Variants in SPIDR observed in about 807,000 individuals in gnomAD.
SPIDR encodes DNA repair-scaffolding protein.
In SPIDR, 93 loss-of-function variants were observed where a neutral mutation model predicts 104.6. The ratio of observed to expected loss-of-function variants is 0.89; its 90% CI spans 0.75 to 1.06. The LOEUF (loss-of-function observed/expected upper bound fraction) is 1.06. Among genes scored for constraint, SPIDR ranks in the 50% least tolerant of loss-of-function variants. The probability of loss-of-function intolerance (pLI) is 0.00; values close to 1 mark genes in which losing one functional copy is unlikely to be tolerated. For missense variants in SPIDR, 1,154 were observed against 1,111.2 expected (o/e 1.04, Z -0.55); for synonymous variants, 431 against 416.9 (o/e 1.03, Z -0.41).
intron 1 of SPIDR, among the ~76,000 whole-genome samples, chr8:47,269,675 G>A (rs1476454895): frequency 6.6e-6 from 1 of 152,014 alleles, no homozygotes; most frequent in African/African-American, 2.4e-5. Flanking sequence ...CCTTGCCATG[G>A]CTAGAACCTC....
intron 16 of SPIDR, among the ~76,000 whole-genome samples, chr8:47,726,098 C>G (rs2084195385): frequency 6.6e-6 from 1 of 152,252 alleles, no homozygotes; most frequent in Non-Finnish European, 1.5e-5. Context: ...GTGAATTAGT[C>G]AACACTGCTT....
At chr8:47,374,654 T>G (rs782113728) in intron 5 of SPIDR, among the ~76,000 whole-genome samples, 25 of 152,194 alleles carry the variant, frequency 1.6e-4, no homozygotes, top group Non-Finnish European at 2.6e-4. Flanking sequence ...GTTTTCTTCA[T>G]TTTTAGCTAA....
chr8:47,454,393 C>T (rs903614529), intron 8 of SPIDR, among the ~76,000 whole-genome samples: 1 of 152,108 alleles, frequency 6.6e-6, no homozygotes, highest in Non-Finnish European at 1.5e-5. Context: ...AACCAAACAC[C>T]GCATGTTCTC....
chr8:47,720,249 G>GT (rs761994213), intron 16 of SPIDR, among the ~76,000 whole-genome samples: 20 of 152,196 alleles, frequency 1.3e-4, no homozygotes, highest in Non-Finnish European at 2.8e-4. Context: ...CAGTTTTCTG[G>GT]TTTGCTTCCA....
rs535142223 is a variant in SPIDR, at chr8:47,486,430, C to CA, written c.1097+45888_1097+45889insA. Among the ~76,000 whole-genome samples, 269 of 152,246 alleles carry CA rather than the reference C, an allele frequency of 1.8e-3. 4 individuals carry two copies. In the East Asian group the frequency reaches 0.033, roughly 19 times the overall value. On this transcript the variant is annotated intron_variant, in intron 8 of 19. Transcript: ENST00000297423. ...TGGAACCAACCTGGAAAACACTCTG[C>CA]GGATATTATCCAGGAGAACTTCCCC...
chr8:47,326,529 G>A (rs1261530984), intron 5 of SPIDR, among the ~76,000 whole-genome samples: 1 of 152,190 alleles, frequency 6.6e-6, no homozygotes, highest in Admixed American at 6.5e-5. Context: ...GATTCACAAA[G>A]TTTTGCAACT....
chr8:47,488,903 T>C (rs1211325504), intron 8 of SPIDR, among the ~76,000 whole-genome samples: 1 of 152,190 alleles, frequency 6.6e-6, no homozygotes, highest in African/African-American at 2.4e-5. Flanking sequence ...TCATACTGAA[T>C]GGGCAAAAAC....
intron 14 of SPIDR, among the ~76,000 whole-genome samples, chr8:47,705,717 A>G (rs1022869170): frequency 1.3e-5 from 2 of 152,128 alleles, no homozygotes; most frequent in Non-Finnish European, 1.5e-5. Flanking sequence ...CAACCTGGTC[A>G]ACAAAGCACG....
intron 11 of SPIDR, among the ~76,000 whole-genome samples, chr8:47,689,258 T>G (rs552760489): frequency 6.6e-6 from 1 of 152,330 alleles, no homozygotes; most frequent in Admixed American, 6.5e-5. Flanking sequence ...AAATGGCTTC[T>G]GGACCCATAG....
intron 7 of SPIDR, among the ~76,000 whole-genome samples, chr8:47,433,465 C>T (rs1298553696): frequency 1.7e-5 from 2 of 115,500 alleles, no homozygotes; most frequent in African/African-American, 6.8e-5. Context: ...TTTTTCCCTG[C>T]CCAGGCTCCA....
At chr8:47,275,538 G>A (rs1039598259) in intron 1 of SPIDR, among the ~76,000 whole-genome samples, 22 of 152,040 alleles carry the variant, frequency 1.4e-4, no homozygotes, top group South Asian at 1.0e-3. Flanking sequence ...GATTTCCATT[G>A]GCGTTGCATA....
chr8:47,570,234 A>G (rs1052298201), intron 8 of SPIDR, among the ~76,000 whole-genome samples: 6 of 152,208 alleles, frequency 3.9e-5, no homozygotes, highest in Non-Finnish European at 7.3e-5. Context: ...ATGTCGACCA[A>G]TGAAATGTAT....
intron 8 of SPIDR, among the ~76,000 whole-genome samples, chr8:47,440,962 A>T (rs540638555): frequency 6.6e-6 from 1 of 152,236 alleles, no homozygotes. Flanking sequence ...TTTGAATTGC[A>T]GGAGCAAAAA....
chr8:47,440,718 T>C (rs1431837650), intron 8 of SPIDR, among the ~76,000 whole-genome samples, 176 bp downstream of exon 8: 1 of 152,262 alleles, frequency 6.6e-6, no homozygotes, highest in Non-Finnish European at 1.5e-5. Flanking sequence ...TGATAGCTCA[T>C]TTCTAGTTCT....
chr8:47,657,233 T>G (rs1344863990), intron 10 of SPIDR, among the ~76,000 whole-genome samples: 1 of 152,144 alleles, frequency 6.6e-6, no homozygotes, highest in African/African-American at 2.4e-5. Context: ...AAAGCTGTTA[T>G]AAAAATAAAA....
At chr8:47,487,230 A>G (rs927097564) in intron 8 of SPIDR, among the ~76,000 whole-genome samples, 1 of 152,212 alleles carries the variant, frequency 6.6e-6, no homozygotes, top group South Asian at 2.1e-4. Context: ...ACAGACTTTA[A>G]ACCAACAAAG....
intron 5 of SPIDR, among the ~76,000 whole-genome samples, chr8:47,311,433 T>C (rs587612771): frequency 6.5e-4 from 99 of 152,262 alleles, no homozygotes; most frequent in Non-Finnish European, 7.5e-4. Flanking sequence ...AACATGAATT[T>C]ACATGTTGAA....
chr8:47,470,287 G>GTTTTTGT (rs1172661519), intron 8 of SPIDR, among the ~76,000 whole-genome samples: 24 of 151,882 alleles, frequency 1.6e-4, no homozygotes, highest in Admixed American at 1.5e-3. Flanking sequence ...TTTCGTTTTT[G>GTTTTTGT]TTTTTGTTTT....
chr8:47,437,078 G>A (rs2068465126), intron 7 of SPIDR, among the ~76,000 whole-genome samples: 1 of 152,194 alleles, frequency 6.6e-6, no homozygotes, highest in Non-Finnish European at 1.5e-5. Flanking sequence ...CTGGAATACT[G>A]TCAAGATTTA....
Sources: gnomAD v4.1 joint callset for allele counts (sites outside exome capture counted in the v4.1 genomes callset) on GRCh38, gnomAD v4.1.1 for gene constraint, MANE v1.5 for transcripts, NCBI Gene and HGNC (gene_info 2026-07-23, HGNC 2026-07-21) for gene names.